FBXL22: variants seen among roughly 807,000 people sequenced by gnomAD.
FBXL22 encodes F-box and leucine rich repeat protein 22, also known as F-box and leucine-rich protein 22.
Under a neutral mutation model 11.7 loss-of-function variants are expected in FBXL22, and 13 were observed. The observed-to-expected ratio is 1.11, with a 90% CI of 0.73 to 1.77. The LOEUF is 1.77. Among genes scored for constraint, FBXL22 ranks in the 40% most tolerant of loss-of-function variants. The pLI is 0.00. For missense variants in FBXL22, 406 were observed against 320.4 expected (o/e 1.27, Z -2.04); for synonymous variants, 160 against 144.1 (o/e 1.11, Z -0.79).
At position 63,601,034 on chromosome 15, in the gene FBXL22, C is replaced by T; in HGVS notation, c.691C>T (p.Arg231Cys). 2.5e-6 allele frequency: 3 copies of T among 1,220,548 alleles called. No individual in the cohort carries two copies. Among genetic ancestry groups the T allele is most frequent in the Non-Finnish European group, 3.1e-6 (3 of 980,904 alleles). The allele number at this position is 1,220,548 out of a possible 1,614,324, so 75.6% of individuals were successfully genotyped here. A position where few individuals can be genotyped will look rare whatever the true frequency, so the allele number is the denominator to read the frequency against. Reference sequence around the variant, plus strand: ...CGCGGCCCTCGGCAAGCTGCTGCAGCGCTAGACGCCGCCCCGCCGCTGCCC... The same window carrying T: ...CGCGGCCCTCGGCAAGCTGCTGCAGTGCTAGACGCCGCCCCGCCGCTGCCC... ...PAAALGKLLQ[R>C] is the part of the protein sequence containing the mutation. Residue 231 changes from arginine to cysteine, a missense_variant, in exon 2 of 2, where the codon CGC becomes TGC. Transcript: ENST00000638704.
chr15:63,604,049 A>G (rs955179607), downstream of FBXL22, among the ~76,000 whole-genome samples: 6 of 152,178 alleles, frequency 3.9e-5, no homozygotes, highest in Admixed American at 1.3e-4. Flanking sequence ...CCCAATTTCT[A>G]GTATGTTCTA....
At chr15:63,606,036 G>A (rs1038687084), downstream of FBXL22, among the ~76,000 whole-genome samples, 3 of 152,208 alleles carry the variant, frequency 2.0e-5, no homozygotes, top group African/African-American at 7.2e-5. Flanking sequence ...ATGAGTGTTC[G>A]GAGGGGAAGT....
In FBXL22 at chr15:63,598,325, C is replaced by T. The variant is rs557362466; in HGVS notation, c.353+580C>T. Among the ~76,000 whole-genome samples the T allele has an allele frequency of 2.0e-5, 3 of 152,298 alleles. No individual in the cohort carries two copies. In the East Asian group the frequency reaches 5.8e-4, roughly 29 times the overall value. ...GCTCCACGAGGTGGTATGATTTGCC[C>T]AGTCTAGGGTTGCCAGATTTTAGCA... On this transcript the variant is annotated intron_variant, in intron 1 of 1. Coordinates refer to ENST00000638704, the MANE Select transcript of FBXL22 (RefSeq NM_001367807.1).
chr15:63,601,864 AC>A, downstream of FBXL22: 1 of 866,966 alleles, frequency 1.2e-6, no homozygotes, highest in South Asian at 1.9e-5. Context: ...TGATAATGGA[AC>A]CATTATAAGC....
downstream of FBXL22, among the ~76,000 whole-genome samples, chr15:63,604,567 G>A (rs1317794785): frequency 6.6e-6 from 1 of 152,206 alleles, no homozygotes; most frequent in Non-Finnish European, 1.5e-5. Context: ...GGAGACACAT[G>A]GCTCTCCACT....
At chr15:63,603,617 C>T (rs1217051934), downstream of FBXL22, among the ~76,000 whole-genome samples, 1 of 152,166 alleles carries the variant, frequency 6.6e-6, no homozygotes, top group Non-Finnish European at 1.5e-5. Flanking sequence ...TCCCAGCGGC[C>T]CTGGATTTTG....
At chr15:63,601,684 T>C (rs1386160512), downstream of FBXL22, 7 of 1,604,790 alleles carry the variant, frequency 4.4e-6, no homozygotes, top group Middle Eastern at 8.3e-4. Context: ...GTTCCCGCAG[T>C]GACCGCACTC....
chr15:63,601,841 C>T, downstream of FBXL22: 1 of 1,105,282 alleles, frequency 9.0e-7, no homozygotes. Flanking sequence ...ACCAGCAGCC[C>T]TGGCTAAGCT....
At chr15:63,601,276 C>A, downstream of FBXL22, 1 of 1,558,134 alleles carries the variant, frequency 6.4e-7, no homozygotes, top group South Asian at 1.2e-5. Flanking sequence ...ACCGCCTTTC[C>A]CCTCTTGCTT....
downstream of FBXL22, chr15:63,602,010 G>A (rs1192829518): frequency 9.9e-6 from 3 of 302,636 alleles, no homozygotes; most frequent in Non-Finnish European, 1.8e-5. Flanking sequence ...CAGCCGCCTG[G>A]TCCTGGGTCA....
chr15:63,605,257 G>C (rs1200952881), downstream of FBXL22, among the ~76,000 whole-genome samples: 1 of 152,166 alleles, frequency 6.6e-6, no homozygotes, highest in Non-Finnish European at 1.5e-5. Flanking sequence ...GAGGTTGAGG[G>C]GGTGTTCTTG....
Position 63,600,806 on chromosome 15 carries a change from A to C in FBXL22, c.463A>C (p.Asn155His), listed in dbSNP as rs2067357265. The change falls in exon 2 of 2, where the codon AAC becomes CAC. Residue 155 changes from asparagine to histidine, a missense_variant. Physicochemically the swap from Asn to His is moderately conservative, Grantham distance 68 (BLOSUM62 1). Coordinates refer to ENST00000638704, the MANE Select transcript of FBXL22 (RefSeq NM_001367807.1). Reference protein sequence around the residue: ...CPRLRALRLENCARVTNRTLA... With the variant: ...CPRLRALRLEHCARVTNRTLA... ...ACGCCTGCGCGCACTGCGCCTGGAG[A>C]ACTGCGCGCGCGTCACCAACCGCAC... The C allele has an allele frequency of 2.4e-6, 3 of 1,230,850 alleles. No homozygotes were observed. Among genetic ancestry groups the C allele is most frequent in the Non-Finnish European group, 3.0e-6 (3 of 987,422 alleles). The allele number at this position is 1,230,850 out of a possible 1,614,324, so 76.2% of individuals were successfully genotyped here. A position where few individuals can be genotyped will look rare whatever the true frequency, so the allele number is the denominator to read the frequency against.
chr15:63,600,287 C>A (rs1292750416), intron 1 of FBXL22: 1 of 1,003,128 alleles, frequency 1.0e-6, no homozygotes, highest in East Asian at 1.0e-4. Context: ...TCAGGGGCCT[C>A]AGCTTGAAGC....
downstream of FBXL22, among the ~76,000 whole-genome samples, chr15:63,602,764 A>G (rs1223524761): frequency 2.0e-5 from 3 of 152,140 alleles, no homozygotes; most frequent in Non-Finnish European, 2.9e-5. Flanking sequence ...GGCAGGGGGC[A>G]TAGATACTCC....
At chr15:63,607,773 C>A in the FBXL22 span, among the ~76,000 whole-genome samples, 21,593 of 152,248 alleles carry the variant, frequency 0.14, 2,079 homozygotes, top group Middle Eastern at 0.21. Context: ...GTGGAAGTAG[C>A]CTGTGGCATG....
chr15:63,600,546 C>T (rs577122984), intron 1 of FBXL22, 151 bp from the exon 2 acceptor site: 2 of 1,229,424 alleles, frequency 1.6e-6, no homozygotes, highest in African/African-American at 1.6e-5. Context: ...GCCAGAAAGC[C>T]GACTTGGAAC....
chr15:63,606,901 G>A (rs766526871), downstream of FBXL22, among the ~76,000 whole-genome samples: 7 of 152,162 alleles, frequency 4.6e-5, no homozygotes, highest in African/African-American at 7.2e-5. Context: ...TGTGGCAGCA[G>A]CACAGGGTGA....
chr15:63,600,599 C>T (rs1432079108), intron 1 of FBXL22, 98 bp from the exon 2 acceptor site: 3 of 1,229,972 alleles, frequency 2.4e-6, no homozygotes, highest in African/African-American at 1.6e-5. Flanking sequence ...CTCGCAGGGC[C>T]CGAGTCCTCC....
rs571432318 is a variant in FBXL22 at position 63,597,853 on chromosome 15, C to G, written c.353+108C>G. ...GACCAAGATGGCTCCACCTTCGGGG[C>G]GCCTCAAACTAGGCCCAAGGCAGAC... On this transcript the variant is annotated intron_variant, in intron 1 of 1. Transcript: ENST00000638704. The surrounding 1 kb of genome is among the most constrained non-coding windows in gnomAD (Gnocchi z 4.3). 52 of 1,085,512 alleles carry G rather than the reference C, an allele frequency of 4.8e-5. 1 individual carries two copies. The South Asian group carries it at 8.0e-4, about 17-fold the overall frequency. The allele number at this position is 1,085,512 out of a possible 1,614,324, so 67.2% of individuals were successfully genotyped here. A position where few individuals can be genotyped will look rare whatever the true frequency, so the allele number is the denominator to read the frequency against.
Sources: gnomAD v4.1 joint callset for allele counts (sites outside exome capture counted in the v4.1 genomes callset) on GRCh38, gnomAD v4.1.1 for gene constraint, Gnocchi (gnomAD v3.1) non-coding constraint, MANE v1.5 for transcripts, NCBI Gene and HGNC (gene_info 2026-07-23, HGNC 2026-07-21) for gene names.